Variants in COL27A1 observed in about 807,000 individuals in gnomAD.
The protein encoded by COL27A1 is collagen type XXVII alpha 1 chain, also known as collagen alpha-1(XXVII) chain.
Under a neutral mutation model 251.3 loss-of-function variants are expected in COL27A1, and 106 were observed. The observed-to-expected ratio is 0.42, with a 90% confidence interval of 0.36 to 0.50. The LOEUF (loss-of-function observed/expected upper bound fraction) is 0.50, where lower values mean the gene tolerates loss of function less well. COL27A1 is among the 20% of genes least tolerant of loss of function. COL27A1 has a pLI of 0.00. For missense variants in COL27A1, 2,325 were observed against 2,522.8 expected, an observed-to-expected ratio of 0.92 and a Z score of 1.68; for synonymous variants, 1,000 against 986.3, an observed-to-expected ratio of 1.01 and a Z score of -0.26.
Position 114,169,405 on chromosome 9 carries a change from C to T in COL27A1, c.1850C>T (p.Ser617Phe). 6.3e-7 allele frequency: 1 copy of T among 1,596,976 alleles called. No individual in the cohort carries two copies. The highest frequency in any genetic ancestry group is 8.5e-7 in the Non-Finnish European group (1 of 1,172,676). The part of the protein sequence containing the change: ...SGYSIFHLAG[S>F]TPFPLLMGPP... ...TATTCGATCTTCCACCTGGCAGGATCTACGCCTTTCCCTCTGCTGATGGGG... is the reference window on the plus strand; with the variant it reads ...TATTCGATCTTCCACCTGGCAGGATTTACGCCTTTCCCTCTGCTGATGGGG... Residue 617 changes from serine to phenylalanine, a missense_variant, in exon 3 of 61, where the codon TCT becomes TTT. Transcript: ENST00000356083.
chr9:114,202,883 C>A (rs145582814), intron 7 of COL27A1, among the ~76,000 whole-genome samples: 42 of 152,280 alleles, frequency 2.8e-4, no homozygotes, highest in African/African-American at 9.4e-4. Context: ...ACTTTACTTC[C>A]TTTTCTTCAC....
At chr9:114,193,002 T>A (rs1221669553) in intron 5 of COL27A1, among the ~76,000 whole-genome samples, 1 of 151,232 alleles carries the variant, frequency 6.6e-6, no homozygotes, top group Non-Finnish European at 1.5e-5. Context: ...CTGGCGTGTG[T>A]TTGTGTGTGT....
intron 17 of COL27A1, among the ~76,000 whole-genome samples, chr9:114,236,383 G>GGATA (rs1832401184): frequency 6.6e-6 from 1 of 152,160 alleles, no homozygotes; most frequent in African/African-American, 2.4e-5. Context: ...TGAATATTTA[G>GGATA]GATAAGGTTG....
At chr9:114,205,937 G>A in intron 9 of COL27A1, 125 bp downstream of exon 9, 1 of 847,394 alleles carries the variant, frequency 1.2e-6, no homozygotes, top group Non-Finnish European at 1.8e-6. Flanking sequence ...TGGACCCTAA[G>A]GAGGGGGCTT....
chr9:114,157,125 G>A (rs1848180279), intron 1 of COL27A1, among the ~76,000 whole-genome samples: 1 of 148,164 alleles, frequency 6.7e-6, no homozygotes, highest in East Asian at 2.0e-4. Context: ...CGGCACCAGT[G>A]AGCACACTGC....
rs527715877 is a variant in COL27A1 at position 114,279,708 on chromosome 9, C to G, written c.3718-2569C>G. Among the ~76,000 whole-genome samples the G allele has an allele frequency of 2.2e-3, 331 of 152,054 alleles. 1 individual carries two copies. Among genetic ancestry groups the G allele is most frequent in the South Asian group, 0.015 (73 of 4,808 alleles). ...AAATTAAATTAAATTAAAAAGTTAG[C>G]TGGGCGTGGTGGTGCATGCCTGTAG... On this transcript the variant is annotated intron_variant, in intron 37 of 60. Transcript: ENST00000356083.
rs773250619 is a variant in COL27A1 at position 114,257,631 on chromosome 9, T to C, written c.3142-910T>C. Reference sequence around the variant, plus strand: ...CCATTTGCCCGGGGCTGGGCCTTGCTCCCTTCTCATGCCACCCCACCCACT... The same window carrying C: ...CCATTTGCCCGGGGCTGGGCCTTGCCCCCTTCTCATGCCACCCCACCCACT... On this transcript the variant is annotated intron_variant, in intron 27 of 60. Coordinates refer to ENST00000356083, the MANE Select transcript of COL27A1 (RefSeq NM_032888.4). Among the ~76,000 whole-genome samples, 123 of 152,160 alleles carry C rather than the reference T, an allele frequency of 8.1e-4. 1 individual carries two copies. Among genetic ancestry groups the C allele is most frequent in the Non-Finnish European group, 1.1e-3 (78 of 67,996 alleles).
chr9:114,243,716 G>A (rs1009837853), intron 23 of COL27A1, among the ~76,000 whole-genome samples, 156 bp downstream of exon 23: 1 of 152,094 alleles, frequency 6.6e-6, no homozygotes, highest in Non-Finnish European at 1.5e-5. Flanking sequence ...AGAAAAAAAT[G>A]GACACAACCT....
At chr9:114,175,256 C>T (rs1356333952) in intron 3 of COL27A1, among the ~76,000 whole-genome samples, 1 of 152,258 alleles carries the variant, frequency 6.6e-6, no homozygotes, top group Non-Finnish European at 1.5e-5. Context: ...TCCCCCTCAG[C>T]TCCAGGCCCT....
chr9:114,162,885 A>G (rs757869236), intron 2 of COL27A1, 100 bp downstream of exon 2: 56 of 768,862 alleles, frequency 7.3e-5, no homozygotes, highest in Non-Finnish European at 1.1e-4. Context: ...TTGGAACTCA[A>G]TGCCTCAGTT....
intron 59 of COL27A1, 83 bp downstream of exon 59, chr9:114,307,861 G>A: frequency 1.1e-6 from 1 of 920,686 alleles, no homozygotes; most frequent in Non-Finnish European, 1.7e-6. Flanking sequence ...CCCAGGTTCT[G>A]TTCTGAGCTG....
rs781023037 is a variant in COL27A1, at chr9:114,168,413, G to T, written c.858G>T (p.Arg286Ser). The T allele has an allele frequency of 1.4e-5, 22 of 1,613,070 alleles. No homozygotes were observed. In the South Asian group the frequency reaches 2.4e-4, roughly 18 times the overall value. Residue 286 changes from arginine to serine, a missense_variant, in exon 3 of 61, where the codon AGG becomes AGT. Physicochemically the swap from Arg to Ser is moderately radical, Grantham distance 110. This residue lies in a region of COL27A1 where 1,183 missense variants were observed against 1,144.1 expected (regional missense o/e 1.03). Coordinates refer to ENST00000356083, the MANE Select transcript of COL27A1 (RefSeq NM_032888.4). ...TPALGSLPAG[R>S]GPRGTVAPAT... ...CCCTGGGGTCACTGCCAGCAGGCAGGGGACCCAGGGGGACTGTGGCACCCG... is the reference window on the plus strand; with the variant it reads ...CCCTGGGGTCACTGCCAGCAGGCAGTGGACCCAGGGGGACTGTGGCACCCG...
intron 31 of COL27A1, 87 bp from the exon 32 acceptor site, chr9:114,265,334 CA>C (rs1834665036): frequency 7.1e-7 from 1 of 1,406,612 alleles, no homozygotes; most frequent in East Asian, 2.3e-5. Context: ...GGAGGGGACC[CA>C]AATACACTAG....
Position 114,156,020 on chromosome 9 carries a change from C to G in COL27A1, c.62+8C>G, listed in dbSNP as rs867142168. 3 of 1,297,688 alleles carry G rather than the reference C, an allele frequency of 2.3e-6. No individual in the cohort carries two copies. Among genetic ancestry groups the G allele is most frequent in the Middle Eastern group, 2.1e-4 (1 of 4,872 alleles). 80.4% of individuals were successfully genotyped at this position (1,297,688 alleles called of 1,614,324 possible). ...GGCGGCGGCGCGCGGGGGGTGAGTA[C>G]GAACTCGGGGACGCCCCCTCCCTAG... On this transcript the variant is annotated splice_region_variant and intron_variant, in intron 1 of 60. Coordinates refer to ENST00000356083, the MANE Select transcript of COL27A1 (RefSeq NM_032888.4).
chr9:114,242,583 C>T (rs1832832719), intron 22 of COL27A1, among the ~76,000 whole-genome samples: 1 of 152,254 alleles, frequency 6.6e-6, no homozygotes, highest in South Asian at 2.1e-4. Flanking sequence ...GGGCCCTCAG[C>T]CCGAGCCCTC....
At chr9:114,299,537 A>G (rs1828473109) in intron 49 of COL27A1, among the ~76,000 whole-genome samples, 1 of 152,178 alleles carries the variant, frequency 6.6e-6, no homozygotes, top group African/African-American at 2.4e-5. Context: ...AGTCCACAAC[A>G]TGGTGTCTGC....
intron 1 of COL27A1, 52 bp from the exon 2 acceptor site, chr9:114,162,663 G>GT: frequency 7.4e-7 from 1 of 1,346,576 alleles, no homozygotes; most frequent in Admixed American, 1.7e-5. Context: ...CCGGATCCGG[G>GT]TGTGAGGGGT....
rs139358226 is a variant in COL27A1, at chr9:114,168,865, C to T, written c.1310C>T (p.Pro437Leu). Residue 437 changes from proline to leucine, a missense_variant, in exon 3 of 61, where the codon CCG becomes CTG. Around this residue, in one of 4 missense-constraint regions of COL27A1, gnomAD observed 1,183 missense variants for 1,144.1 expected, o/e 1.03. Transcript: ENST00000356083. ...QRNPGMPRPP[P>L]PSTRPLPPTT... ...AACCCGGGAATGCCCAGGCCCCCAC[C>T]GCCCAGCACCCGGCCCCTACCTCCT... 763 of 1,614,106 alleles carry T rather than the reference C, an allele frequency of 4.7e-4. 1 individual carries two copies. In the African/African-American group the frequency reaches 9.0e-3, roughly 19 times the overall value.
Position 114,251,086 on chromosome 9 carries a change from G to C in COL27A1, c.3033+418G>C, listed in dbSNP as rs551164743. Among the ~76,000 whole-genome samples the C allele has an allele frequency of 2.0e-5, 3 of 152,276 alleles. No homozygotes were observed. The South Asian group carries it at 6.2e-4, about 32-fold the overall frequency. The stretch of plus-strand genomic sequence containing the variant: ...GAGGTGACTTACTCCAGGTCACCCA[G>C]ATAATAAGTGGCAGTGCTGAGATTT... On this transcript the variant is annotated intron_variant, in intron 25 of 60. Transcript: ENST00000356083.
Sources: allele counts gnomAD v4.1 joint callset (sites outside exome capture counted in the v4.1 genomes callset), GRCh38; gene constraint gnomAD v4.1.1; regional missense constraint gnomAD v4.1.1; transcripts MANE v1.5; gene names NCBI Gene and HGNC (gene_info 2026-07-23, HGNC 2026-07-21).